MTAP: variants seen among roughly 807,000 people sequenced by gnomAD.
The protein encoded by MTAP is S-methyl-5'-thioadenosine phosphorylase.
MTAP carries 33 observed loss-of-function variants against 33.6 expected under a neutral mutation model. The observed-to-expected ratio is 0.98, with a 90% CI of 0.74 to 1.31. The LOEUF is 1.31. MTAP is among the 40% of genes most tolerant of loss of function. The probability of loss-of-function intolerance (pLI) is 0.00; values close to 1 mark genes in which losing one functional copy is unlikely to be tolerated. For synonymous variants in MTAP, 148 were observed against 125.7 expected (o/e 1.18, Z -1.19); for missense variants, 367 against 360.0 (o/e 1.02, Z -0.16).
intron 1 of MTAP, among the ~76,000 whole-genome samples, chr9:21,921,559 C>T (rs1431308588): frequency 6.6e-6 from 1 of 152,074 alleles, no homozygotes; most frequent in Admixed American, 6.6e-5. Context: ...CAAAACTGTT[C>T]ATTTATGAAG....
chr9:21,829,767 C>T (rs1270373842), intron 4 of MTAP, among the ~76,000 whole-genome samples: 1 of 152,100 alleles, frequency 6.6e-6, no homozygotes, highest in South Asian at 2.1e-4. Context: ...ATGAGCAGGG[C>T]GGGGGGACCA....
intron 1 of MTAP, among the ~76,000 whole-genome samples, chr9:21,808,121 T>C (rs1275004200): frequency 6.6e-6 from 1 of 152,210 alleles, no homozygotes; most frequent in African/African-American, 2.4e-5. Flanking sequence ...GGCCCAGCAA[T>C]CTAGGTTTTG....
chr9:21,845,752 T>TA lies in MTAP; in HGVS notation c.450+7753dup, dbSNP rs574506736. Among the ~76,000 whole-genome samples the TA allele has an allele frequency of 7.1e-3, 1,025 of 143,588 alleles. 20 individuals carry two copies. Among genetic ancestry groups the TA allele is most frequent in the East Asian group, 0.057 (287 of 5,008 alleles). The allele number at this position is 143,588 out of a possible 152,430, so 94.2% of individuals were successfully genotyped here. ...ACCACCATCATTGTTCACAGAAATA[T>TA]AAAAAAAAAAATCCTAAAATTTATG... On this transcript the variant is annotated intron_variant, in intron 5 of 7. Transcript: ENST00000644715.
rs886063782 is a variant in MTAP, at chr9:21,862,263, GA to G, written c.*258del. The G allele has an allele frequency of 1.7e-3, 1,481 of 889,702 alleles. 13 individuals carry two copies. The African/African-American group carries it at 0.02, about 12-fold the overall frequency. The allele number at this position is 889,702 out of a possible 1,614,324, so 55.1% of individuals were successfully genotyped here. ...GGAAAAAATATTACATTTTAAGGGG[GA>G]AAAAAAAACCCACCATTCTCTTCTC... On this transcript the variant is annotated 3_prime_UTR_variant, in exon 8 of 8. Transcript: ENST00000644715.
intron 1 of MTAP, chr9:21,930,759 GA>G: frequency 4.3e-6 from 3 of 704,200 alleles, no homozygotes; most frequent in South Asian, 1.6e-5. Context: ...AGCTTTAGAT[GA>G]AAAATGTTGC....
rs1817975908 is a variant in MTAP, at chr9:21,879,716, A to ATCTGTTGGTAACAGATCTGTT, written c.147+24846_147+24847insTCTGTTGGTAACAGATCTGTT. On this transcript the variant is annotated intron_variant, in intron 1 of 1. Transcript: ENST00000577563. ...AGTGCTCCTTTCAAGATCTCTTACA[A>ATCTGTTGGTAACAGATCTGTT]GGCAGATCTGTTGGTAACAAACTCC... is the stretch of plus-strand genomic sequence containing the variant. 2.0e-5 allele frequency among the ~76,000 whole-genome samples: 3 copies of ATCTGTTGGTAACAGATCTGTT among 152,288 alleles called. No homozygotes were observed. In the South Asian group the frequency reaches 6.2e-4, roughly 32 times the overall value.
intron 1 of MTAP, among the ~76,000 whole-genome samples, chr9:21,925,108 G>C (rs983277018): frequency 6.6e-6 from 1 of 152,300 alleles, no homozygotes; most frequent in African/African-American, 2.4e-5. Context: ...TACCCATGGG[G>C]GCATATGGGC....
chr9:21,815,401 A>C (rs1300920724), intron 1 of MTAP, 32 bp from the exon 2 acceptor site: 1 of 1,410,160 alleles, frequency 7.1e-7, no homozygotes, highest in Admixed American at 1.9e-5. Flanking sequence ...ATTACCAAAT[A>C]CAATAATCTT....
chr9:21,835,585 T>C (rs1395442005), intron 4 of MTAP, among the ~76,000 whole-genome samples: 1 of 152,084 alleles, frequency 6.6e-6, no homozygotes, highest in Non-Finnish European at 1.5e-5. Context: ...TGGGGTGTGA[T>C]CGGCAGGCTT....
chr9:21,894,485 T>G (rs901336085), intron 1 of MTAP, among the ~76,000 whole-genome samples: 2 of 151,470 alleles, frequency 1.3e-5, no homozygotes, highest in Non-Finnish European at 2.9e-5. Flanking sequence ...AACATGATTT[T>G]GTACCTAGAA....
rs141642768 is a variant in MTAP at position 21,844,952 on chromosome 9, A to G, written c.450+6942A>G. 6.2e-3 allele frequency among the ~76,000 whole-genome samples: 935 copies of G among 150,084 alleles called. 21 individuals carry two copies. The highest frequency in any genetic ancestry group is 0.053 in the East Asian group (270 of 5,074). On this transcript the variant is annotated intron_variant, in intron 5 of 7. Transcript: ENST00000644715. ...GAGGCCGAGGCAGTGAATGGCGTGA[A>G]CCCGGGAGGTGGAGCTTGCAGTGAG...
chr9:21,923,918 C>T (rs115882090), intron 1 of MTAP, among the ~76,000 whole-genome samples: 7 of 152,120 alleles, frequency 4.6e-5, no homozygotes, highest in Non-Finnish European at 1.0e-4. Flanking sequence ...GTGCAAGAGA[C>T]AAAGTACCCA....
downstream of MTAP, among the ~76,000 whole-genome samples, chr9:21,938,416 G>A (rs1383596975): frequency 3.3e-5 from 5 of 151,572 alleles, no homozygotes; most frequent in Non-Finnish European, 7.4e-5. Flanking sequence ...TCCAGCCTGG[G>A]CAAGAAAGTG....
At chr9:21,828,173 A>C (rs185516441) in intron 4 of MTAP, among the ~76,000 whole-genome samples, 27 of 151,966 alleles carry the variant, frequency 1.8e-4, no homozygotes, top group African/African-American at 2.4e-4. Flanking sequence ...ATCTTCTACT[A>C]TTTTTCTGTT....
At chr9:21,881,931 A>G (rs1181181666) in intron 1 of MTAP, among the ~76,000 whole-genome samples, 2 of 152,058 alleles carry the variant, frequency 1.3e-5, no homozygotes, top group Non-Finnish European at 2.9e-5. Flanking sequence ...ACCCATATTC[A>G]TAGCAGCATT....
At chr9:21,840,192 C>G (rs1239012648) in intron 5 of MTAP, among the ~76,000 whole-genome samples, 1 of 151,506 alleles carries the variant, frequency 6.6e-6, no homozygotes, top group Non-Finnish European at 1.5e-5. Flanking sequence ...TGCCACTGCA[C>G]TCCAGCCTGG....
Position 21,863,029 on chromosome 9 carries a change from AC to A in MTAP, c.*1016del. ...AAGGTGAATGTCATTTAAGGGAGTT[AC>A]ATCTTTATTCTGCTAAAGAAGAGGA... On this transcript the variant is annotated 3_prime_UTR_variant, in exon 8 of 8. Transcript: ENST00000644715. 1.0e-6 allele frequency: 1 copy of A among 985,314 alleles called. No homozygotes were observed. Among genetic ancestry groups the A allele is most frequent in the Non-Finnish European group, 1.2e-6 (1 of 829,788 alleles). 61.0% of individuals were successfully genotyped at this position (985,314 alleles called of 1,614,324 possible). A position where few individuals can be genotyped will look rare whatever the true frequency, so the allele number is the denominator to read the frequency against.
intron 6 of MTAP, among the ~76,000 whole-genome samples, chr9:21,855,193 T>G (rs1275948682): frequency 6.6e-6 from 1 of 152,208 alleles, no homozygotes; most frequent in African/African-American, 2.4e-5. Flanking sequence ...TACTGTTTTT[T>G]GTTTTCAAGA....
rs550183385 is a variant in MTAP at position 21,912,405 on chromosome 9, C to G, written c.148-18603C>G. Among the ~76,000 whole-genome samples the G allele has an allele frequency of 1.8e-4, 27 of 152,302 alleles. No homozygotes were observed. In the South Asian group the frequency reaches 3.9e-3, roughly 22 times the overall value. ...TCAATAAAATACTGGCAAACCGAAT[C>G]CAGCAGCACATCCAAAAGCTTAATC... On this transcript the variant is annotated intron_variant, in intron 1 of 1. Transcript: ENST00000577563.
Sources: gnomAD v4.1 joint callset for allele counts (sites outside exome capture counted in the v4.1 genomes callset) on GRCh38, gnomAD v4.1.1 for gene constraint, MANE v1.5 for transcripts, NCBI Gene and HGNC (gene_info 2026-07-23, HGNC 2026-07-21) for gene names.